Variants in GALNT10 observed in about 807,000 individuals in gnomAD.
GALNT10 encodes GalNAc transferase 10.
In GALNT10, 41 loss-of-function variants were observed where a neutral mutation model predicts 75.0. That is an observed-to-expected ratio of 0.55 (90% CI 0.43 to 0.71). The LOEUF is 0.71. Ranked by LOEUF, GALNT10 falls within the 30% of genes least tolerant of loss-of-function variation. The probability of loss-of-function intolerance (pLI) is 0.00; values close to 1 mark genes in which losing one functional copy is unlikely to be tolerated. For missense variants in GALNT10, 727 were observed against 818.5 expected, an observed-to-expected ratio of 0.89 and a Z score of 1.36; for synonymous variants, 302 against 313.0, an observed-to-expected ratio of 0.96 and a Z score of 0.37.
At chr5:154,231,284 G>A (rs1439760148) in intron 1 of GALNT10, among the ~76,000 whole-genome samples, 4 of 152,186 alleles carry the variant, frequency 2.6e-5, no homozygotes, top group Admixed American at 2.6e-4. Flanking sequence ...AATAGCAGAC[G>A]GTAGGTTGTT....
intron 6 of GALNT10, among the ~76,000 whole-genome samples, chr5:154,385,396 A>T (rs564461222): frequency 2.5e-3 from 376 of 151,922 alleles, no homozygotes; most frequent in Admixed American, 5.8e-3. Flanking sequence ...CTGACGTTTT[A>T]TCCTCCCCTC....
At chr5:154,300,052 T>A (rs983412460) in intron 3 of GALNT10, among the ~76,000 whole-genome samples, 3 of 152,134 alleles carry the variant, frequency 2.0e-5, no homozygotes, top group Non-Finnish European at 4.4e-5. Flanking sequence ...CCTAGGCTGG[T>A]TTTGAACTCC....
At chr5:154,356,283 T>G (rs1755288739) in intron 4 of GALNT10, 1 of 444,716 alleles carries the variant, frequency 2.2e-6, no homozygotes, top group Non-Finnish European at 4.5e-6. Context: ...CCCATCTGCA[T>G]GTGAGAGGAA....
At chr5:154,357,516 G>A (rs982689637) in intron 4 of GALNT10, among the ~76,000 whole-genome samples, 3 of 152,120 alleles carry the variant, frequency 2.0e-5, no homozygotes, top group African/African-American at 7.2e-5. Context: ...ATAAACTTCT[G>A]GCTTTGAAGA....
intron 4 of GALNT10, among the ~76,000 whole-genome samples, chr5:154,344,493 A>T (rs1008677614): frequency 6.6e-6 from 1 of 152,138 alleles, no homozygotes; most frequent in Non-Finnish European, 1.5e-5. Context: ...TACAGGCATG[A>T]GCCACTGCGC....
chr5:154,336,324 AT>A (rs1754945376), intron 4 of GALNT10, among the ~76,000 whole-genome samples: 1 of 152,184 alleles, frequency 6.6e-6, no homozygotes. Flanking sequence ...GTGGACATAA[AT>A]TTTCAGCTCA....
At chr5:154,395,034 C>G (rs1157491373) in intron 7 of GALNT10, among the ~76,000 whole-genome samples, 1 of 152,240 alleles carries the variant, frequency 6.6e-6, no homozygotes, top group Non-Finnish European at 1.5e-5. Context: ...TCTCCCACCA[C>G]TCCTCCAAGG....
chr5:154,292,079 G>T (rs1227376718), intron 1 of GALNT10, among the ~76,000 whole-genome samples: 2 of 152,198 alleles, frequency 1.3e-5, no homozygotes, highest in East Asian at 3.8e-4. Flanking sequence ...AAGCCACCAG[G>T]TTGTTTGCCA....
At chr5:154,287,946 A>ATGTG (rs746989563) in intron 1 of GALNT10, among the ~76,000 whole-genome samples, 30 of 96,650 alleles carry the variant, frequency 3.1e-4, no homozygotes, top group South Asian at 3.0e-3. Flanking sequence ...ATGTGTGTGC[A>ATGTG]TGTGTGTGTG....
chr5:154,238,891 G>A (rs1256094435), intron 1 of GALNT10, among the ~76,000 whole-genome samples: 2 of 152,082 alleles, frequency 1.3e-5, no homozygotes, highest in African/African-American at 2.4e-5. Context: ...CCAAGTGTTC[G>A]GCAAACTTTG....
chr5:154,196,291 G>T (rs2113638989), intron 1 of GALNT10, among the ~76,000 whole-genome samples: 1 of 152,310 alleles, frequency 6.6e-6, no homozygotes, highest in Admixed American at 6.5e-5. Context: ...AAGAGTAGAG[G>T]AATTAAAGGC....
At chr5:154,196,387 G>C (rs188432948) in intron 1 of GALNT10, among the ~76,000 whole-genome samples, 1 of 152,328 alleles carries the variant, frequency 6.6e-6, no homozygotes, top group Non-Finnish European at 1.5e-5. Flanking sequence ...TCTATCAGTT[G>C]CAAGTAACAA....
intron 4 of GALNT10, among the ~76,000 whole-genome samples, chr5:154,367,311 G>C (rs1755491497): frequency 6.6e-6 from 1 of 152,192 alleles, no homozygotes; most frequent in Admixed American, 6.5e-5. Context: ...CAGTTTCCCT[G>C]GGGGTTCTTG....
At chr5:154,249,616 A>T (rs1753484005) in intron 1 of GALNT10, among the ~76,000 whole-genome samples, 1 of 152,116 alleles carries the variant, frequency 6.6e-6, no homozygotes, top group Admixed American at 6.6e-5. Context: ...GGGTCCATGG[A>T]GGAGTCCTAT....
At chr5:154,246,848 C>T (rs1270005425) in intron 1 of GALNT10, among the ~76,000 whole-genome samples, 2 of 152,134 alleles carry the variant, frequency 1.3e-5, no homozygotes. Flanking sequence ...CTTTTGTTGC[C>T]ATTGCTTTTG....
intron 4 of GALNT10, among the ~76,000 whole-genome samples, chr5:154,363,993 A>G (rs905831387): frequency 6.6e-6 from 1 of 152,196 alleles, no homozygotes; most frequent in Non-Finnish European, 1.5e-5. Context: ...AGGAAAATCA[A>G]TCACTCTGAG....
rs970933056 is a variant in GALNT10 at position 154,290,686 on chromosome 5, G to A, written c.160-4130G>A. Among the ~76,000 whole-genome samples the A allele has an allele frequency of 2.0e-5, 3 of 152,268 alleles. No homozygotes were observed. The South Asian group carries it at 6.2e-4, about 32-fold the overall frequency. The stretch of plus-strand genomic sequence containing the variant: ...AGTGCTGTCTCCATTTTCCAGGTGG[G>A]AAAATTGAGGTACCTGTGACTCCTG... On this transcript the variant is annotated intron_variant, in intron 1 of 11. Transcript: ENST00000297107.
chr5:154,321,860 T>C (rs1264585373), intron 3 of GALNT10, among the ~76,000 whole-genome samples: 1 of 152,178 alleles, frequency 6.6e-6, no homozygotes, highest in Non-Finnish European at 1.5e-5. Context: ...CCATTGCTGT[T>C]GCATGAGACT....
intron 4 of GALNT10, among the ~76,000 whole-genome samples, chr5:154,360,375 C>T (rs1013515739): frequency 6.6e-5 from 10 of 151,628 alleles, no homozygotes; most frequent in East Asian, 1.9e-4. Flanking sequence ...CACTTGAATC[C>T]GGAAGGCGGA....
Sources: gnomAD v4.1 joint callset for allele counts (sites outside exome capture counted in the v4.1 genomes callset) on GRCh38, gnomAD v4.1.1 for gene constraint, MANE v1.5 for transcripts, NCBI Gene and HGNC (gene_info 2026-07-23, HGNC 2026-07-21) for gene names.